The following GPR176 variants were observed in gnomAD, a reference collection of about 807,000 sequenced individuals.
The protein encoded by GPR176 is G-protein coupled receptor 176.
A neutral mutation model predicts 35.4 loss-of-function variants in GPR176; 26 were observed. The observed-to-expected ratio is 0.74, with a 90% CI of 0.54 to 1.02. The LOEUF is 1.02. Among genes scored for constraint, GPR176 ranks in the 50% least tolerant of loss-of-function variants. The pLI is 0.00. For missense variants in GPR176, 597 were observed against 665.3 expected, an observed-to-expected ratio of 0.90 and a Z score of 1.13; for synonymous variants, 278 against 271.3, an observed-to-expected ratio of 1.02 and a Z score of -0.24.
chr15:39,803,779 G>A (rs1384680018), intron 2 of GPR176, among the ~76,000 whole-genome samples: 1 of 152,198 alleles, frequency 6.6e-6, no homozygotes, highest in Non-Finnish European at 1.5e-5. Flanking sequence ...AAAGCCACCT[G>A]GGAAAATAGC....
At chr15:39,836,668 CTG>C (rs1901417956) in intron 1 of GPR176, among the ~76,000 whole-genome samples, 1 of 152,080 alleles carries the variant, frequency 6.6e-6, no homozygotes, top group Non-Finnish European at 1.5e-5. Flanking sequence ...TATAAAGAGA[CTG>C]AGAGAGACTT....
chr15:39,876,694 C>A (rs994503192), intron 1 of GPR176, among the ~76,000 whole-genome samples: 1 of 151,488 alleles, frequency 6.6e-6, no homozygotes, highest in African/African-American at 2.4e-5. Flanking sequence ...AAAAAAAATA[C>A]AAAAATTAGC....
In GPR176 at chr15:39,800,835, C is replaced by T; in HGVS notation, c.*297G>A. On this transcript the variant is annotated 3_prime_UTR_variant, in exon 3 of 3. Coordinates refer to ENST00000561100, the MANE Select transcript of GPR176 (RefSeq NM_007223.3). ...GGAAGTGAGGCATCCTCAGAAAGTG[C>T]ACATGGGGTACCCACCTCAAGACCC... The T allele has an allele frequency of 3.3e-6, 1 of 307,560 alleles. No individual in the cohort carries two copies. The highest frequency in any genetic ancestry group is 6.1e-6 in the Non-Finnish European group (1 of 163,986). 19.1% of individuals were successfully genotyped at this position (307,560 alleles called of 1,614,324 possible).
chr15:39,828,973 A>C, intron 1 of GPR176: 1 of 666,718 alleles, frequency 1.5e-6, no homozygotes, highest in Admixed American at 2.1e-5. Flanking sequence ...GTGAATACTT[A>C]TTGTCTAAGT....
At chr15:39,912,839 C>T (rs1447988850) in intron 1 of GPR176, among the ~76,000 whole-genome samples, 1 of 152,086 alleles carries the variant, frequency 6.6e-6, no homozygotes, top group Non-Finnish European at 1.5e-5. Flanking sequence ...TCCTAGTCTA[C>T]AAAATGTCAC....
intron 1 of GPR176, among the ~76,000 whole-genome samples, chr15:39,875,794 A>G (rs1247987672): frequency 6.6e-6 from 1 of 152,088 alleles, no homozygotes; most frequent in Admixed American, 6.6e-5. Context: ...TCCCTTTATC[A>G]TCTTGCTTAA....
At chr15:39,904,738 G>C (rs750442954) in intron 1 of GPR176, among the ~76,000 whole-genome samples, 4 of 152,192 alleles carry the variant, frequency 2.6e-5, no homozygotes, top group Non-Finnish European at 4.4e-5. Flanking sequence ...CGAACTTATG[G>C]GGGCAAAGAA....
intron 1 of GPR176, among the ~76,000 whole-genome samples, chr15:39,875,325 CA>C (rs1251484594): frequency 6.6e-6 from 1 of 152,126 alleles, no homozygotes; most frequent in Non-Finnish European, 1.5e-5. Flanking sequence ...CATGACAATA[CA>C]AATTGGAATT....
chr15:39,849,006 A>G (rs184243322), intron 1 of GPR176, among the ~76,000 whole-genome samples: 9 of 151,962 alleles, frequency 5.9e-5, no homozygotes, highest in Admixed American at 5.9e-4. Context: ...TCAGAAAAAC[A>G]ATAGATAAAA....
chr15:39,920,085 C>G lies in GPR176; in HGVS notation c.-59G>C, dbSNP rs999627536. ...CGCCTCGGAGCCCCGCGCGGAGCCT[C>G]TCCTCCTCCGGGTGAGGAGGGACGC... On this transcript the variant is annotated 5_prime_UTR_variant, in exon 1 of 3. Transcript: ENST00000561100. The G allele has an allele frequency of 1.0e-5, 12 of 1,190,852 alleles. No homozygotes were observed. In the East Asian group the frequency reaches 3.8e-4, roughly 38 times the overall value. The allele number at this position is 1,190,852 out of a possible 1,614,324, so 73.8% of individuals were successfully genotyped here.
In GPR176 at chr15:39,878,203, C is replaced by T. The variant is rs2164482; in HGVS notation, c.172+41652G>A. The stretch of plus-strand genomic sequence containing the variant: ...ATACAGTATTACTAACAGTAGTCAC[C>T]ACATTGTACCTCAGATCTCCAGAAC... On this transcript the variant is annotated intron_variant, in intron 1 of 2. Coordinates refer to ENST00000561100, the MANE Select transcript of GPR176 (RefSeq NM_007223.3). Among the ~76,000 whole-genome samples, 1,017 of 145,290 alleles carry T rather than the reference C, an allele frequency of 7.0e-3. 13 individuals are homozygous for T. The highest frequency in any genetic ancestry group is 0.026 in the African/African-American group (971 of 36,838).
intron 1 of GPR176, among the ~76,000 whole-genome samples, chr15:39,895,578 T>C (rs1202431405): frequency 6.6e-6 from 1 of 152,198 alleles, no homozygotes; most frequent in African/African-American, 2.4e-5. Flanking sequence ...TAAAAGGCAG[T>C]TTTCAAAAAG....
chr15:39,840,870 T>G (rs147149214), intron 1 of GPR176, among the ~76,000 whole-genome samples: 17 of 152,314 alleles, frequency 1.1e-4, no homozygotes, highest in East Asian at 3.9e-4. Flanking sequence ...TATCATTTAA[T>G]GTGTGGTAAT....
intron 1 of GPR176, among the ~76,000 whole-genome samples, chr15:39,895,297 GA>G (rs1282375233): frequency 6.9e-6 from 1 of 145,194 alleles, no homozygotes; most frequent in Non-Finnish European, 1.5e-5. Context: ...GGAAGAGGGG[GA>G]GGGGGAGGGG....
intron 1 of GPR176, among the ~76,000 whole-genome samples, chr15:39,840,996 T>C (rs896313034): frequency 2.6e-5 from 4 of 152,126 alleles, no homozygotes; most frequent in Non-Finnish European, 4.4e-5. Flanking sequence ...AACCTGAACT[T>C]GACTCCAGAT....
chr15:39,918,098 A>G (rs112368993), intron 1 of GPR176, among the ~76,000 whole-genome samples: 79 of 151,678 alleles, frequency 5.2e-4, no homozygotes, highest in African/African-American at 1.9e-3. Flanking sequence ...ATAGATCAAG[A>G]GGAAATCAGT....
At chr15:39,894,538 G>A (rs2033031822) in intron 1 of GPR176, 1 of 184,012 alleles carries the variant, frequency 5.4e-6, no homozygotes, top group Non-Finnish European at 1.1e-5. Flanking sequence ...TCACCTCCCA[G>A]ACAGGGTCGC....
chr15:39,864,564 G>A (rs1428755380), intron 1 of GPR176, among the ~76,000 whole-genome samples: 1 of 151,908 alleles, frequency 6.6e-6, no homozygotes, highest in African/African-American at 2.4e-5. Flanking sequence ...TAGGAAATGG[G>A]AACAGATTGT....
chr15:39,894,855 G>A (rs866164512), intron 1 of GPR176, among the ~76,000 whole-genome samples: 2 of 152,230 alleles, frequency 1.3e-5, no homozygotes, highest in Admixed American at 6.5e-5. Context: ...CTGCAATCTC[G>A]GCACTTTGGG....
Sources: gnomAD v4.1 joint callset for allele counts (sites outside exome capture counted in the v4.1 genomes callset) on GRCh38, gnomAD v4.1.1 for gene constraint, MANE v1.5 for transcripts, NCBI Gene and HGNC (gene_info 2026-07-23, HGNC 2026-07-21) for gene names.